Variants in NTRK2 observed in about 807,000 individuals in gnomAD.
NTRK2 encodes neurotrophic receptor tyrosine kinase 2.
NTRK2 carries 13 observed loss-of-function variants against 94.5 expected under a neutral mutation model. The ratio of observed to expected loss-of-function variants is 0.14; its 90% CI spans 0.09 to 0.22. The LOEUF (loss-of-function observed/expected upper bound fraction) is 0.22, where lower values mean the gene tolerates loss of function less well. Ranked by LOEUF, NTRK2 falls within the 10% of genes least tolerant of loss-of-function variation. The pLI, the probability that NTRK2 is intolerant of heterozygous loss-of-function variation, is 1.00. For synonymous variants in NTRK2, 372 were observed against 407.4 expected, an observed-to-expected ratio of 0.91 and a Z score of 1.05; for missense variants, 639 against 1,071.2, an observed-to-expected ratio of 0.60 and a Z score of 5.63.
At chr9:84,905,857 AG>A (rs2077059861) in intron 14 of NTRK2, among the ~76,000 whole-genome samples, 2 of 152,232 alleles carry the variant, frequency 1.3e-5, no homozygotes, top group Admixed American at 1.3e-4. Flanking sequence ...TGAAACCAAT[AG>A]CATTTGGCTG....
intron 2 of NTRK2, among the ~76,000 whole-genome samples, chr9:84,673,556 G>A (rs531920849): frequency 6.6e-6 from 1 of 152,058 alleles, no homozygotes; most frequent in Non-Finnish European, 1.5e-5. Flanking sequence ...TGAAACAACG[G>A]TTTACCATAT....
At chr9:84,826,588 T>A (rs981379236) in intron 12 of NTRK2, among the ~76,000 whole-genome samples, 2 of 152,150 alleles carry the variant, frequency 1.3e-5, no homozygotes, top group Non-Finnish European at 2.9e-5. Context: ...AGGTACAGGA[T>A]GTAGATGCCA....
intron 9 of NTRK2, among the ~76,000 whole-genome samples, chr9:84,740,611 AG>A (rs2063574588): frequency 6.6e-6 from 1 of 152,196 alleles, no homozygotes; most frequent in South Asian, 2.1e-4. Flanking sequence ...GCACAATTTC[AG>A]GTGATGTTAT....
At chr9:84,823,694 T>C (rs1452934048) in intron 12 of NTRK2, among the ~76,000 whole-genome samples, 2 of 152,254 alleles carry the variant, frequency 1.3e-5, no homozygotes, top group African/African-American at 4.8e-5. Context: ...CTTCTGATTT[T>C]TTTAAGACAA....
intron 6 of NTRK2, among the ~76,000 whole-genome samples, chr9:84,720,017 CAAA>C (rs57132074): frequency 0.015 from 1,306 of 87,732 alleles, 23 homozygotes; most frequent in Non-Finnish European, 0.017. Context: ...AAGACTATCT[CAAA>C]AAAAAAAAAA....
At chr9:85,017,279 G>T (rs766007469) in intron 17 of NTRK2, among the ~76,000 whole-genome samples, 8 of 152,162 alleles carry the variant, frequency 5.3e-5, no homozygotes, top group Non-Finnish European at 1.0e-4. Context: ...ATGCCTGCTT[G>T]AGTAAATACC....
intron 9 of NTRK2, among the ~76,000 whole-genome samples, chr9:84,729,273 G>A (rs1175838310): frequency 6.6e-6 from 1 of 152,220 alleles, no homozygotes; most frequent in African/African-American, 2.4e-5. Flanking sequence ...TTTGGAATAT[G>A]TGTTTGATTT....
intron 17 of NTRK2, among the ~76,000 whole-genome samples, chr9:84,964,226 A>G (rs1377469749): frequency 6.6e-6 from 1 of 152,138 alleles, no homozygotes; most frequent in Non-Finnish European, 1.5e-5. Context: ...ATGCATTTAT[A>G]TTGCATGGGA....
intron 2 of NTRK2, among the ~76,000 whole-genome samples, chr9:84,688,729 T>C (rs1165902882): frequency 1.3e-5 from 2 of 152,238 alleles, no homozygotes; most frequent in African/African-American, 4.8e-5. Context: ...CTGGGACCCC[T>C]GGAGGATCCT....
At chr9:84,739,355 C>G (rs2063479419) in intron 9 of NTRK2, among the ~76,000 whole-genome samples, 1 of 152,182 alleles carries the variant, frequency 6.6e-6, no homozygotes, top group Non-Finnish European at 1.5e-5. Flanking sequence ...CCGGCCCTGG[C>G]CTATTTTTTA....
At chr9:84,757,414 AT>A (rs1227031831) in intron 12 of NTRK2, among the ~76,000 whole-genome samples, 3 of 152,080 alleles carry the variant, frequency 2.0e-5, no homozygotes, top group African/African-American at 7.2e-5. Flanking sequence ...CTTGTTCTGC[AT>A]TTTTTGGGGG....
chr9:84,930,448 T>C (rs2077982937), intron 14 of NTRK2, among the ~76,000 whole-genome samples: 2 of 151,958 alleles, frequency 1.3e-5, no homozygotes, highest in South Asian at 2.1e-4. Context: ...AGATAGAAGC[T>C]TCAAGACAGC....
intron 17 of NTRK2, among the ~76,000 whole-genome samples, chr9:84,962,020 A>G (rs1403318993): frequency 6.6e-6 from 1 of 152,232 alleles, no homozygotes; most frequent in East Asian, 1.9e-4. Context: ...GGCTATCAAA[A>G]TACGCTCTTG....
rs533777317 is a variant in NTRK2, at chr9:84,674,244, C to CT, written c.212+3292dup. Among the ~76,000 whole-genome samples, 41 of 152,010 alleles carry CT rather than the reference C, an allele frequency of 2.7e-4. 1 individual carries two copies. The South Asian group carries it at 7.7e-3, about 29-fold the overall frequency. The stretch of plus-strand genomic sequence containing the variant: ...GTGCTTTATGAAGACTAATAGGGAT[C>CT]TTTTTTTTGAATTTCTCCAGTGGTA... On this transcript the variant is annotated intron_variant, in intron 2 of 18. Transcript: ENST00000277120.
rs1587816395 is a variant in NTRK2, at chr9:84,670,557, A to G, written c.-192A>G. 1.6e-6 allele frequency: 1 copy of G among 635,530 alleles called. No homozygotes were observed. The highest frequency in any genetic ancestry group is 2.7e-5 in the East Asian group (1 of 36,596). The allele number at this position is 635,530 out of a possible 1,614,324, so 39.4% of individuals were successfully genotyped here. On this transcript the variant is annotated 5_prime_UTR_variant, in exon 2 of 19. Transcript: ENST00000277120. ...GTTCGCTATGCCGGGGCCACTGTGA[A>G]CCCTGCCGCCTGCCGGAACACTCTT...
intron 14 of NTRK2, chr9:84,874,894 G>A (rs1587783564): frequency 9.5e-7 from 1 of 1,057,146 alleles, no homozygotes; most frequent in East Asian, 5.3e-5. Flanking sequence ...ATCCCAGTTG[G>A]TATAGGCCCA....
intron 12 of NTRK2, among the ~76,000 whole-genome samples, chr9:84,760,783 C>T (rs1478495610): frequency 6.6e-6 from 1 of 152,122 alleles, no homozygotes; most frequent in African/African-American, 2.4e-5. Flanking sequence ...ATGGGACCCC[C>T]CAACACCCAC....
intron 17 of NTRK2, among the ~76,000 whole-genome samples, chr9:84,965,873 C>T (rs542532601): frequency 1.3e-5 from 2 of 152,294 alleles, no homozygotes; most frequent in South Asian, 2.1e-4. Context: ...TTCTGTCCTC[C>T]GGTCATTTCT....
intron 17 of NTRK2, among the ~76,000 whole-genome samples, chr9:84,963,935 T>C (rs1179706672): frequency 4.6e-5 from 7 of 152,222 alleles, no homozygotes; most frequent in African/African-American, 1.7e-4. Flanking sequence ...TTTCTGGAAG[T>C]TCAATATGGG....
Sources: allele counts gnomAD v4.1 joint callset (sites outside exome capture counted in the v4.1 genomes callset), GRCh38; gene constraint gnomAD v4.1.1; transcripts MANE v1.5; gene names NCBI Gene and HGNC (gene_info 2026-07-23, HGNC 2026-07-21).